CSMD1: variants seen among roughly 807,000 people sequenced by gnomAD.
CSMD1 encodes CUB and Sushi multiple domains 1.
CSMD1 carries 213 observed loss-of-function variants against 417.5 expected under a neutral mutation model. The ratio of observed to expected loss-of-function variants is 0.51; its 90% CI spans 0.46 to 0.57. The LOEUF is 0.57. CSMD1 is among the 20% of genes least tolerant of loss of function. CSMD1 has a pLI of 0.00. For synonymous variants in CSMD1, 2,862 were observed against 1,736.8 expected, an observed-to-expected ratio of 1.65 and a Z score of -16.11; for missense variants, 6,923 against 4,529.7, an observed-to-expected ratio of 1.53 and a Z score of -15.17.
At chr8:3,936,560 G>A (rs569950817) in intron 5 of CSMD1, among the ~76,000 whole-genome samples, 23 of 152,184 alleles carry the variant, frequency 1.5e-4, no homozygotes, top group Non-Finnish European at 1.9e-4. Flanking sequence ...CAACAAAGCC[G>A]GGAAGATAGC....
At chr8:4,261,652 C>T (rs1215130760) in intron 3 of CSMD1, among the ~76,000 whole-genome samples, 2 of 152,050 alleles carry the variant, frequency 1.3e-5, no homozygotes, top group African/African-American at 2.4e-5. Context: ...TCAGGCAATC[C>T]TGCCACCTCG....
intron 1 of CSMD1, among the ~76,000 whole-genome samples, chr8:4,668,648 C>T (rs1003280598): frequency 6.6e-6 from 1 of 151,800 alleles, no homozygotes; most frequent in Non-Finnish European, 1.5e-5. Flanking sequence ...GATGGGGTTT[C>T]ATCGTGTTAG....
chr8:4,034,295 T>C (rs908906637), intron 3 of CSMD1, among the ~76,000 whole-genome samples: 7 of 152,216 alleles, frequency 4.6e-5, no homozygotes, highest in Non-Finnish European at 4.4e-5. Context: ...TTGAATATTA[T>C]TGACATGTTT....
intron 1 of CSMD1, among the ~76,000 whole-genome samples, chr8:4,653,259 G>T (rs1328692383): frequency 6.6e-6 from 1 of 152,148 alleles, no homozygotes; most frequent in Admixed American, 6.5e-5. Context: ...ATAAAGGAGT[G>T]ATTGGATCCA....
At chr8:3,211,899 C>G (rs562029337) in intron 30 of CSMD1, among the ~76,000 whole-genome samples, 1 of 152,334 alleles carries the variant, frequency 6.6e-6, no homozygotes, top group South Asian at 2.1e-4. Flanking sequence ...GAGGGGCACC[C>G]AGGCTGGTGG....
At chr8:3,299,841 C>G (rs143340181) in intron 25 of CSMD1, among the ~76,000 whole-genome samples, 11 of 152,090 alleles carry the variant, frequency 7.2e-5, no homozygotes, top group Non-Finnish European at 1.6e-4. Flanking sequence ...ACTGAAAAGC[C>G]TTTGTCCAGT....
At chr8:3,418,758 C>T (rs981724434) in intron 12 of CSMD1, among the ~76,000 whole-genome samples, 2 of 152,086 alleles carry the variant, frequency 1.3e-5, no homozygotes, top group Non-Finnish European at 2.9e-5. Flanking sequence ...ATCATGCAGA[C>T]ACACGGGATT....
chr8:3,972,618 G>A (rs1169448650), intron 5 of CSMD1, among the ~76,000 whole-genome samples: 4 of 152,108 alleles, frequency 2.6e-5, no homozygotes, highest in African/African-American at 9.7e-5. Context: ...GTACTACTAA[G>A]CCATTTGCTT....
chr8:3,236,986 G>A (rs9650504), intron 26 of CSMD1, among the ~76,000 whole-genome samples: 77,251 of 151,610 alleles, frequency 0.51, 20,418 homozygotes, highest in South Asian at 0.62. Context: ...CCACCTGTCA[G>A]GCTGCATCCA....
Position 4,692,270 on chromosome 8 carries a change from C to T in CSMD1, c.86-54712G>A, listed in dbSNP as rs370789132. ...CCCAACAGTCAAGTCTTAAGATGTACGTTTTCTTAGTTATGAGAAAGGGAG... is the reference window on the plus strand; with the variant it reads ...CCCAACAGTCAAGTCTTAAGATGTATGTTTTCTTAGTTATGAGAAAGGGAG... On this transcript the variant is annotated intron_variant, in intron 1 of 69. Transcript: ENST00000635120. Among the ~76,000 whole-genome samples, 5 of 152,044 alleles carry T rather than the reference C, an allele frequency of 3.3e-5. No individual in the cohort carries two copies. In the East Asian group the frequency reaches 5.8e-4, roughly 18 times the overall value.
At chr8:3,367,487 T>G (rs1232954393) in intron 19 of CSMD1, among the ~76,000 whole-genome samples, 1 of 151,206 alleles carries the variant, frequency 6.6e-6, no homozygotes, top group Non-Finnish European at 1.5e-5. Context: ...AGAGAGAGGT[T>G]AGGAGAGGTA....
At chr8:3,643,942 G>C (rs1214027757) in intron 7 of CSMD1, among the ~76,000 whole-genome samples, 1 of 152,194 alleles carries the variant, frequency 6.6e-6, no homozygotes, top group South Asian at 2.1e-4. Context: ...TATTTAGTTG[G>C]ATGAAATGTG....
chr8:4,659,462 A>G, intron 1 of CSMD1, among the ~76,000 whole-genome samples: 1 of 152,182 alleles, frequency 6.6e-6, no homozygotes, highest in East Asian at 1.9e-4. Context: ...CTCAGTCACA[A>G]ATGAAGGAAG....
intron 3 of CSMD1, among the ~76,000 whole-genome samples, chr8:4,252,830 T>A (rs542180891): frequency 6.6e-6 from 1 of 152,326 alleles, no homozygotes; most frequent in East Asian, 1.9e-4. Flanking sequence ...GCACCAGTGA[T>A]GACTGGAGTT....
At chr8:3,895,149 T>A (rs1046949116) in intron 5 of CSMD1, among the ~76,000 whole-genome samples, 4 of 152,202 alleles carry the variant, frequency 2.6e-5, no homozygotes, top group African/African-American at 9.6e-5. Context: ...ATTGGCTTTA[T>A]CTCCAAATCA....
At chr8:4,579,639 G>A (rs766897615) in intron 2 of CSMD1, among the ~76,000 whole-genome samples, 1 of 152,050 alleles carries the variant, frequency 6.6e-6, no homozygotes. Context: ...TGATATTACA[G>A]GTGTGAGCCA....
At chr8:3,129,980 CAAAAAAAAAA>C (rs1258921533) in intron 41 of CSMD1, among the ~76,000 whole-genome samples, 1 of 143,686 alleles carries the variant, frequency 7.0e-6, no homozygotes, top group Non-Finnish European at 1.5e-5. Flanking sequence ...GACTCTGTCC[CAAAAAAAAAA>C]GAAAAGAAAA....
chr8:4,598,027 C>T (rs1469693001), intron 2 of CSMD1, among the ~76,000 whole-genome samples: 3 of 151,616 alleles, frequency 2.0e-5, no homozygotes, highest in East Asian at 1.9e-4. Context: ...TTCTTTAGAA[C>T]ATTTATCAAT....
intron 3 of CSMD1, among the ~76,000 whole-genome samples, chr8:4,372,934 G>C (rs1802484844): frequency 6.6e-6 from 1 of 152,222 alleles, no homozygotes; most frequent in South Asian, 2.1e-4. Flanking sequence ...GTAGCACATA[G>C]TGATTTGCTT....
Sources: gnomAD v4.1 joint callset for allele counts (sites outside exome capture counted in the v4.1 genomes callset) on GRCh38, gnomAD v4.1.1 for gene constraint, MANE v1.5 for transcripts, NCBI Gene and HGNC (gene_info 2026-07-23, HGNC 2026-07-21) for gene names.